Variants in CTNNA3 observed in about 807,000 individuals in gnomAD.
CTNNA3 encodes the protein catenin alpha-3.
CTNNA3 carries 76 observed loss-of-function variants against 95.7 expected under a neutral mutation model. The observed-to-expected ratio is 0.79, with a 90% CI of 0.66 to 0.96. The LOEUF is 0.96. CTNNA3 is among the 40% of genes least tolerant of loss of function. CTNNA3 has a pLI of 0.00. For synonymous variants in CTNNA3, 431 were observed against 374.4 expected (o/e 1.15, Z -1.74); for missense variants, 1,191 against 1,089.8 (o/e 1.09, Z -1.31).
intron 13 of CTNNA3, among the ~76,000 whole-genome samples, chr10:66,279,411 T>C (rs2091455692): frequency 6.6e-6 from 1 of 152,082 alleles, no homozygotes; most frequent in Non-Finnish European, 1.5e-5. Flanking sequence ...TGAATCTTCC[T>C]ACAGCAAGCA....
In CTNNA3 at chr10:65,966,710, A is replaced by G. The variant is rs368637046; in HGVS notation, c.2302T>C (p.Tyr768His). 34 of 1,612,390 alleles carry G rather than the reference A, an allele frequency of 2.1e-5. No homozygotes were observed. The African/African-American group carries it at 3.7e-4, about 18-fold the overall frequency. Reference protein sequence around the residue: ...DPSCKQDLLAYLEQIKFYSHQ... With the variant: ...DPSCKQDLLAHLEQIKFYSHQ... Reference sequence around the variant, plus strand: ...GAGTAGAACTTAATCTGTTCCAGGTAGGCCAACAAGTCCTGTTTACAAGAT... The same window carrying G: ...GAGTAGAACTTAATCTGTTCCAGGTGGGCCAACAAGTCCTGTTTACAAGAT... The change falls in exon 17 of 18, where the codon TAC becomes CAC. Residue 768 changes from tyrosine (Y) to histidine (H), a missense_variant. Physicochemically the swap from Tyr to His is moderately conservative, Grantham distance 83. Transcript: ENST00000433211.
At chr10:67,393,417 C>G (rs773344668) in intron 5 of CTNNA3, among the ~76,000 whole-genome samples, 1 of 152,118 alleles carries the variant, frequency 6.6e-6, no homozygotes, top group Non-Finnish European at 1.5e-5. Context: ...AGCCATATGG[C>G]AACACTTTTC....
chr10:67,089,571 T>C (rs1857505192), intron 7 of CTNNA3, among the ~76,000 whole-genome samples: 1 of 152,036 alleles, frequency 6.6e-6, no homozygotes, highest in Non-Finnish European at 1.5e-5. Flanking sequence ...GAATCACTTC[T>C]CAGCAATATG....
intron 10 of CTNNA3, among the ~76,000 whole-genome samples, chr10:66,618,736 T>C (rs1844625875): frequency 1.3e-5 from 2 of 152,074 alleles, no homozygotes. Context: ...AAAGAGCTTC[T>C]GCACAGCAAA....
chr10:66,735,683 G>C (rs1849111943), intron 9 of CTNNA3, among the ~76,000 whole-genome samples: 1 of 151,820 alleles, frequency 6.6e-6, no homozygotes, highest in South Asian at 2.1e-4. Context: ...ATAAATTCTT[G>C]CTTTTATCTC....
chr10:66,348,267 T>C (rs919864952), intron 12 of CTNNA3, among the ~76,000 whole-genome samples: 7 of 152,128 alleles, frequency 4.6e-5, no homozygotes, highest in African/African-American at 1.4e-4. Flanking sequence ...AGTCTTAGAA[T>C]AGTGGCTAAA....
At chr10:66,575,323 C>G (rs570536553) in intron 10 of CTNNA3, among the ~76,000 whole-genome samples, 58 of 152,160 alleles carry the variant, frequency 3.8e-4, no homozygotes, top group Non-Finnish European at 6.8e-4. Context: ...GTAAGAAATA[C>G]TAGGGCAGGA....
chr10:66,682,032 G>T (rs1847084002), intron 9 of CTNNA3, among the ~76,000 whole-genome samples: 1 of 152,202 alleles, frequency 6.6e-6, no homozygotes, highest in African/African-American at 2.4e-5. Flanking sequence ...CAGGTCCTTT[G>T]TAGTGAGTGT....
chr10:65,945,301 C>T (rs2077499605), intron 17 of CTNNA3, among the ~76,000 whole-genome samples: 1 of 152,092 alleles, frequency 6.6e-6, no homozygotes, highest in African/African-American at 2.4e-5. Context: ...TTTAAGCAGT[C>T]TGGCGATGAC....
intron 15 of CTNNA3, among the ~76,000 whole-genome samples, chr10:66,045,947 A>T (rs1307569209): frequency 6.6e-6 from 1 of 152,148 alleles, no homozygotes; most frequent in Non-Finnish European, 1.5e-5. Context: ...ATGTACAAGA[A>T]AGTTTTAAAG....
At chr10:66,413,455 T>G (rs12260942) in intron 11 of CTNNA3, among the ~76,000 whole-genome samples, 20,483 of 152,166 alleles carry the variant, frequency 0.13, 1,769 homozygotes, top group African/African-American at 0.25. Context: ...TTTCAAACAG[T>G]GTTCTGAAAT....
chr10:67,483,647 T>C (rs1848330048), intron 5 of CTNNA3, among the ~76,000 whole-genome samples: 1 of 151,598 alleles, frequency 6.6e-6, no homozygotes, highest in Admixed American at 6.6e-5. Context: ...TTAGGAGATA[T>C]ACCTAATGCT....
chr10:67,354,410 T>C (rs183009031), intron 5 of CTNNA3, among the ~76,000 whole-genome samples: 4 of 152,198 alleles, frequency 2.6e-5, no homozygotes. Context: ...ATGCTGCAAA[T>C]ATCTTGGCTG....
intron 7 of CTNNA3, among the ~76,000 whole-genome samples, chr10:66,823,189 G>A (rs1290195657): frequency 1.3e-5 from 2 of 152,174 alleles, no homozygotes; most frequent in Admixed American, 1.3e-4. Flanking sequence ...CTAGCTGGTG[G>A]TGAGAACTGA....
chr10:66,088,724 G>C (rs941878042), intron 14 of CTNNA3, among the ~76,000 whole-genome samples: 3 of 151,960 alleles, frequency 2.0e-5, no homozygotes, highest in African/African-American at 7.2e-5. Flanking sequence ...TCTGACAATG[G>C]ATATTAACAA....
chr10:67,755,802 CAA>C lies in CTNNA3; in HGVS notation c.-2+7630_-2+7631del, dbSNP rs201336788. ...GGGCGACAAAAGTGAGTCTCTGCCTCAAAAAAAAAAAAAAAAAAAAGAAAGAA... is the reference window on the plus strand; with the variant it reads ...GGGCGACAAAAGTGAGTCTCTGCCTCAAAAAAAAAAAAAAAAAAGAAAGAA... On this transcript the variant is annotated intron_variant, in intron 1 of 17. Coordinates refer to the CTNNA3 transcript ENST00000684154. Among the ~76,000 whole-genome samples the C allele has an allele frequency of 0.011, 656 of 58,722 alleles. 16 individuals are homozygous for C. The South Asian group carries it at 0.14, about 12-fold the overall frequency. The allele number at this position is 58,722 out of a possible 152,430, so 38.5% of individuals were successfully genotyped here.
At chr10:66,618,323 A>G (rs553650191) in intron 10 of CTNNA3, among the ~76,000 whole-genome samples, 3 of 152,218 alleles carry the variant, frequency 2.0e-5, no homozygotes, top group Admixed American at 2.0e-4. Context: ...CTACAAGGCT[A>G]CAGTAACCAA....
intron 7 of CTNNA3, among the ~76,000 whole-genome samples, chr10:67,039,724 T>C (rs987058408): frequency 1.3e-5 from 2 of 152,096 alleles, no homozygotes; most frequent in African/African-American, 4.8e-5. Flanking sequence ...ATCCCAAAAA[T>C]GCACCTGCAA....
intron 5 of CTNNA3, among the ~76,000 whole-genome samples, chr10:67,473,247 T>C (rs993209845): frequency 7.2e-5 from 11 of 152,186 alleles, no homozygotes. Flanking sequence ...TCATACATGC[T>C]TTCCAGGATT....
Sources: allele counts gnomAD v4.1 joint callset (sites outside exome capture counted in the v4.1 genomes callset), GRCh38; gene constraint gnomAD v4.1.1; transcripts MANE v1.5; gene names NCBI Gene and HGNC (gene_info 2026-07-23, HGNC 2026-07-21).